SFMBT2: variants seen among roughly 807,000 people sequenced by gnomAD.
The protein encoded by SFMBT2 is Scm like with four mbt domains 2, also known as scm-like with four MBT domains protein 2.
SFMBT2 carries 38 observed loss-of-function variants against 110.1 expected under a neutral mutation model. The observed-to-expected ratio is 0.35, with a 90% CI of 0.27 to 0.45. The LOEUF is 0.45. SFMBT2 is among the 20% of genes least tolerant of loss of function. The pLI, the probability that SFMBT2 is intolerant of heterozygous loss-of-function variation, is 1.00. For missense variants in SFMBT2, 1,011 were observed against 1,094.9 expected, an observed-to-expected ratio of 0.92 and a Z score of 1.08; for synonymous variants, 425 against 425.4, an observed-to-expected ratio of 1.00 and a Z score of 0.01.
chr10:7,317,726 C>G (rs1843060021), intron 4 of SFMBT2, among the ~76,000 whole-genome samples: 1 of 150,118 alleles, frequency 6.7e-6, no homozygotes, highest in African/African-American at 2.5e-5. Flanking sequence ...GGTAAAAGAT[C>G]TGAGTCAGAT....
intron 1 of SFMBT2, among the ~76,000 whole-genome samples, chr10:7,405,111 G>A (rs1177774725): frequency 5.9e-5 from 9 of 152,072 alleles, no homozygotes; most frequent in East Asian, 1.9e-4. Context: ...CCTGCCCAGC[G>A]GCCAAACCTG....
intron 11 of SFMBT2, among the ~76,000 whole-genome samples, chr10:7,218,322 G>A (rs80167205): frequency 0.061 from 9,225 of 152,246 alleles, 376 homozygotes; most frequent in Admixed American, 0.088. Flanking sequence ...CCATTAAGCT[G>A]TCACTCTGAA....
intron 1 of SFMBT2, among the ~76,000 whole-genome samples, chr10:7,400,694 A>C (rs1291393878): frequency 6.6e-6 from 1 of 152,186 alleles, no homozygotes; most frequent in African/African-American, 2.4e-5. Context: ...TTTTCCTTTT[A>C]ATTAGCACAG....
chr10:7,376,462 G>A (rs1042834962), intron 2 of SFMBT2, among the ~76,000 whole-genome samples: 11 of 151,980 alleles, frequency 7.2e-5, no homozygotes, highest in Non-Finnish European at 1.2e-4. Context: ...CACTTTGGGA[G>A]GCTGAGGTGG....
intron 1 of SFMBT2, among the ~76,000 whole-genome samples, chr10:7,410,014 A>C (rs972831069): frequency 1.3e-5 from 2 of 152,046 alleles, no homozygotes; most frequent in Admixed American, 6.6e-5. Flanking sequence ...CAGTTCCTAC[A>C]GTTGCATTTT....
intron 20 of SFMBT2, among the ~76,000 whole-genome samples, chr10:7,166,843 C>T (rs192881601): frequency 2.1e-4 from 32 of 152,282 alleles, no homozygotes; most frequent in African/African-American, 7.7e-4. Context: ...AAAATCATGA[C>T]GAGCCCAGAA....
At chr10:7,250,208 C>CA (rs1840757592) in intron 7 of SFMBT2, among the ~76,000 whole-genome samples, 1 of 152,114 alleles carries the variant, frequency 6.6e-6, no homozygotes, top group South Asian at 2.1e-4. Context: ...ACATAGTACC[C>CA]AATAGGTAAC....
chr10:7,392,622 T>C (rs1054934855), intron 1 of SFMBT2, among the ~76,000 whole-genome samples: 1 of 152,238 alleles, frequency 6.6e-6, no homozygotes, highest in Non-Finnish European at 1.5e-5. Flanking sequence ...GTGATGGATT[T>C]TTAAGAGATC....
At position 7,313,462 on chromosome 10, in the gene SFMBT2, T is replaced by C. The variant is rs557172196; in HGVS notation, c.437-27508A>G. Among the ~76,000 whole-genome samples the C allele has an allele frequency of 2.0e-5, 3 of 152,108 alleles. No individual in the cohort carries two copies. In the East Asian group the frequency reaches 5.8e-4, roughly 29 times the overall value. On this transcript the variant is annotated intron_variant, in intron 4 of 20. Coordinates refer to ENST00000397167, the MANE Select transcript of SFMBT2 (RefSeq NM_001387889.1). ...CCTCCCAAGTAGCTGGGAGTACAGGTGAATGCCACCAATCTTCGATAGTTT... is the reference window on the plus strand; with the variant it reads ...CCTCCCAAGTAGCTGGGAGTACAGGCGAATGCCACCAATCTTCGATAGTTT...
rs1009323571 is a variant in SFMBT2 at position 7,172,755 on chromosome 10, A to G, written c.1985-94T>C. ...GAGAAAGAAGGGAAACGATTCTTTC[A>G]TCTGATAGTTCATTTGTGCCTTACG... On this transcript the variant is annotated intron_variant, in intron 17 of 20. Coordinates refer to ENST00000397167, the MANE Select transcript of SFMBT2 (RefSeq NM_001387889.1). The surrounding 1 kb of genome is among the most constrained non-coding windows in gnomAD (Gnocchi z 4.6). 1.4e-6 allele frequency: 2 copies of G among 1,389,666 alleles called. No individual in the cohort carries two copies. Among genetic ancestry groups the G allele is most frequent in the African/African-American group, 2.9e-5 (2 of 68,950 alleles). The allele number at this position is 1,389,666 out of a possible 1,614,324, so 86.1% of individuals were successfully genotyped here.
chr10:7,172,070 G>T lies in SFMBT2; in HGVS notation c.2240C>A (p.Thr747Asn). The T allele has an allele frequency of 6.2e-7, 1 of 1,606,330 alleles. No individual in the cohort carries two copies. The highest frequency in any genetic ancestry group is 2.2e-5 in the East Asian group (1 of 44,590). Residue 747 changes from threonine to asparagine, a missense_variant, in exon 19 of 21, where the codon ACC becomes AAC. By Grantham distance (65) the Thr-to-Asn change is moderately conservative. This residue lies in a region of SFMBT2 where 979 missense variants were observed against 1,016.1 expected (regional missense o/e 0.96). Coordinates refer to ENST00000397167, the MANE Select transcript of SFMBT2 (RefSeq NM_001387889.1). The surrounding 1 kb of genome is among the most constrained non-coding windows in gnomAD (Gnocchi z 4.6). ...GGCCGAGGGCACCTCCGCCGACGAG[G>T]TGTCCGTCTGGTCATCCCGGAGCTC... ...GSELRDDQTD[T>N]SSAEVPSARP...
chr10:7,400,169 T>C (rs562486380), intron 1 of SFMBT2, among the ~76,000 whole-genome samples: 6 of 152,304 alleles, frequency 3.9e-5, no homozygotes, highest in African/African-American at 1.4e-4. Context: ...AGTGCCCAGC[T>C]GGCTATTCAA....
intron 4 of SFMBT2, among the ~76,000 whole-genome samples, chr10:7,347,024 C>CA (rs1554807825): frequency 6.7e-6 from 1 of 148,714 alleles, no homozygotes; most frequent in African/African-American, 2.5e-5. Flanking sequence ...CAAAACAAAA[C>CA]AAAAATGTGT....
At chr10:7,355,199 T>C (rs1844465745) in intron 4 of SFMBT2, among the ~76,000 whole-genome samples, 1 of 152,236 alleles carries the variant, frequency 6.6e-6, no homozygotes, top group African/African-American at 2.4e-5. Context: ...TCCTTCTAAG[T>C]GTCCTACGAT....
At chr10:7,324,249 C>T (rs1843300175) in intron 4 of SFMBT2, among the ~76,000 whole-genome samples, 1 of 152,196 alleles carries the variant, frequency 6.6e-6, no homozygotes, top group Non-Finnish European at 1.5e-5. Context: ...TATAATCACA[C>T]ACACACACAT....
At chr10:7,369,167 A>C (rs927832187) in intron 3 of SFMBT2, among the ~76,000 whole-genome samples, 6 of 152,206 alleles carry the variant, frequency 3.9e-5, no homozygotes, top group Non-Finnish European at 8.8e-5. Context: ...CTAACAGAAA[A>C]TAAATAAATA....
intron 6 of SFMBT2, among the ~76,000 whole-genome samples, chr10:7,281,316 G>C (rs1338643575): frequency 6.6e-6 from 1 of 152,124 alleles, no homozygotes; most frequent in African/African-American, 2.4e-5. Flanking sequence ...GGTGTTAGTG[G>C]GAGTGCAGAG....
intron 11 of SFMBT2, among the ~76,000 whole-genome samples, chr10:7,218,147 ATAAATT>A (rs1330110219): frequency 2.6e-5 from 4 of 152,376 alleles, no homozygotes; most frequent in Middle Eastern, 3.4e-3. Flanking sequence ...AAAGTACTTT[ATAAATT>A]TAAAGTGTCA....
chr10:7,369,405 G>T (rs987173201), intron 3 of SFMBT2, among the ~76,000 whole-genome samples: 3 of 152,182 alleles, frequency 2.0e-5, no homozygotes, highest in Non-Finnish European at 4.4e-5. Context: ...AGGTGAGTTA[G>T]ACTTTTCCCT....
Sources: allele counts gnomAD v4.1 joint callset (sites outside exome capture counted in the v4.1 genomes callset), GRCh38; gene constraint gnomAD v4.1.1; regional missense constraint gnomAD v4.1.1; non-coding constraint Gnocchi (gnomAD v3.1); transcripts MANE v1.5; gene names NCBI Gene and HGNC (gene_info 2026-07-23, HGNC 2026-07-21).